Variants in SEC24C observed in about 807,000 individuals in gnomAD.
SEC24C encodes the protein SEC24 homolog C, COPII component.
SEC24C carries 22 observed loss-of-function variants against 117.0 expected under a neutral mutation model. The ratio of observed to expected loss-of-function variants is 0.19; its 90% CI spans 0.13 to 0.27. SEC24C has a LOEUF of 0.27. Ranked by LOEUF, SEC24C falls within the 10% of genes least tolerant of loss-of-function variation. The pLI is 1.00. For missense variants in SEC24C, 1,155 were observed against 1,375.1 expected (o/e 0.84, Z 2.53); for synonymous variants, 506 against 529.4 (o/e 0.96, Z 0.61).
In SEC24C at chr10:73,769,741, A is replaced by G. The variant is rs759180142; in HGVS notation, c.2682+8A>G. ...CCCTCCTCTGCAGGACAGGTGGGGC[A>G]AGTATATTAGTGGGAGGTGGGGTTG... On this transcript the variant is annotated splice_region_variant and intron_variant, in intron 19 of 22. Transcript: ENST00000345254. The surrounding 1 kb of genome is among the most constrained non-coding windows in gnomAD (Gnocchi z 4.5). 1.2e-5 allele frequency: 20 copies of G among 1,613,430 alleles called. No individual in the cohort carries two copies. The highest frequency in any genetic ancestry group is 1.6e-5 in the Non-Finnish European group (19 of 1,179,456).
intron 20 of SEC24C, 105 bp from the exon 21 acceptor site, chr10:73,770,175 G>T (rs892941430): frequency 4.7e-6 from 6 of 1,280,166 alleles, no homozygotes; most frequent in Non-Finnish European, 6.6e-6. Flanking sequence ...GACCCCAGAA[G>T]GGGTGGTGTC....
At chr10:73,767,813 T>C (rs556225917) in intron 14 of SEC24C, 24 bp from the exon 15 acceptor site, 19 of 1,564,096 alleles carry the variant, frequency 1.2e-5, no homozygotes, top group Admixed American at 1.8e-5. Flanking sequence ...AACATTTTCT[T>C]CTCCCCATTT....
chr10:73,767,300 C>T, intron 14 of SEC24C, 130 bp downstream of exon 14: 1 of 633,854 alleles, frequency 1.6e-6, no homozygotes, highest in Non-Finnish European at 2.8e-6. Flanking sequence ...CTGCCAACCT[C>T]CACTGCTGCC....
In SEC24C at chr10:73,768,922, A is replaced by G; in HGVS notation, c.2278+16A>G. The G allele has an allele frequency of 6.2e-7, 1 of 1,614,208 alleles. No homozygotes were observed. The highest frequency in any genetic ancestry group is 8.5e-7 in the Non-Finnish European group (1 of 1,180,024). On this transcript the variant is annotated intron_variant, in intron 16 of 22. Coordinates refer to ENST00000345254, the MANE Select transcript of SEC24C (RefSeq NM_198597.3). ...ACAAGCACTGGTCAGTCCTGATTGA[A>G]GAGCAGGTTGGGGGGCTAAATATGG...
Position 73,767,417 on chromosome 10 carries a change from C to T in SEC24C, c.2010+247C>T, listed in dbSNP as rs556113357. ...GGCATGATGGCTCATGCCTGTAATC[C>T]GAGCGCTTTGGGAGGCCAAGGCGGG... On this transcript the variant is annotated intron_variant, in intron 14 of 22. Transcript: ENST00000345254. Among the ~76,000 whole-genome samples, 6 of 152,210 alleles carry T rather than the reference C, an allele frequency of 3.9e-5. 1 individual carries two copies. Among genetic ancestry groups the T allele is most frequent in the Admixed American group, 1.3e-4 (2 of 15,280 alleles).
rs553695287 is a variant in SEC24C, at chr10:73,765,774, G to A, written c.1367-26G>A. The A allele has an allele frequency of 2.5e-6, 4 of 1,600,510 alleles. No homozygotes were observed. In the South Asian group the frequency reaches 4.4e-5, roughly 18 times the overall value. On this transcript the variant is annotated intron_variant, in intron 9 of 22. Coordinates refer to ENST00000345254, the MANE Select transcript of SEC24C (RefSeq NM_198597.3). ...ACTAAGATTGAAACTGGATCTTCGA[G>A]TAACACACTGCCATGCTTCCCACAG...
At chr10:73,745,133 T>A (rs1429880633) in intron 1 of SEC24C, among the ~76,000 whole-genome samples, 2 of 152,162 alleles carry the variant, frequency 1.3e-5, no homozygotes, top group Non-Finnish European at 2.9e-5. Context: ...TTGTTCCCTT[T>A]GCAGCAACTC....
chr10:73,764,171 A>G (rs2082843758), intron 8 of SEC24C, among the ~76,000 whole-genome samples, 188 bp downstream of exon 8: 1 of 152,102 alleles, frequency 6.6e-6, no homozygotes, highest in African/African-American at 2.4e-5. Flanking sequence ...GATGAGAGCA[A>G]AAGCCCAAGA....
intron 1 of SEC24C, among the ~76,000 whole-genome samples, chr10:73,745,268 A>G (rs2132508444): frequency 6.6e-6 from 1 of 152,168 alleles, no homozygotes; most frequent in East Asian, 1.9e-4. Context: ...CCTCTAATTC[A>G]TCCCTGTGTT....
intron 3 of SEC24C, among the ~76,000 whole-genome samples, chr10:73,758,594 C>G (rs1011534167): frequency 6.6e-6 from 1 of 152,200 alleles, no homozygotes; most frequent in Non-Finnish European, 1.5e-5. Flanking sequence ...TAAGCAACTC[C>G]TGATCTACTT....
At chr10:73,751,556 A>C (rs531959730) in intron 3 of SEC24C, among the ~76,000 whole-genome samples, 25 of 152,316 alleles carry the variant, frequency 1.6e-4, no homozygotes, top group African/African-American at 6.0e-4. Flanking sequence ...CTCATAAATA[A>C]ATAAATAAAT....
At chr10:73,755,539 C>T (rs928577264) in intron 3 of SEC24C, among the ~76,000 whole-genome samples, 2 of 151,730 alleles carry the variant, frequency 1.3e-5, no homozygotes, top group Non-Finnish European at 1.5e-5. Context: ...TAGCTGGGCG[C>T]GGTGGCAGGC....
Position 73,769,569 on chromosome 10 carries a change from ACAT to A in SEC24C, c.2564-45_2564-43del. On this transcript the variant is annotated intron_variant, in intron 18 of 22. Transcript: ENST00000345254. This position sits in a 1 kb window ranked among gnomAD's most constrained non-coding sequence, Gnocchi z 4.5. ...GGTAGTTGTGATGGTGGGAATGCAC[ACAT>A]GATGGGCAGCTGACCAGTGACTATC... is the stretch of plus-strand genomic sequence containing the variant. The A allele has an allele frequency of 6.2e-7, 1 of 1,613,078 alleles. No individual in the cohort carries two copies. The highest frequency in any genetic ancestry group is 8.5e-7 in the Non-Finnish European group (1 of 1,179,120).
intron 2 of SEC24C, among the ~76,000 whole-genome samples, chr10:73,749,409 A>T (rs1463181529): frequency 1.3e-5 from 2 of 152,160 alleles, no homozygotes; most frequent in Non-Finnish European, 2.9e-5. Flanking sequence ...GTCTTCTGAT[A>T]TCCATCCTTT....
Position 73,766,435 on chromosome 10 carries a change from T to A in SEC24C, c.1693T>A (p.Leu565Met). Residue 565 changes from leucine (L) to methionine (M), a missense_variant, in exon 12 of 23, where the codon TTG becomes ATG. Leu to Met is a conservative substitution (Grantham distance 15). Transcript: ENST00000345254. ...VLHFYNVKSS[L>M]AQPQMMVVSD... ...CCACTTCTATAATGTGAAGAGCTCA[T>A]TGGCCCAGCCACAGATGATGGTTGT... 1 of 1,614,222 alleles carries A rather than the reference T, an allele frequency of 6.2e-7. No homozygotes were observed. Among genetic ancestry groups the A allele is most frequent in the Non-Finnish European group, 8.5e-7 (1 of 1,180,044 alleles).
At chr10:73,747,720 C>T (rs1322867153) in intron 2 of SEC24C, among the ~76,000 whole-genome samples, 1 of 146,288 alleles carries the variant, frequency 6.8e-6, no homozygotes, top group Admixed American at 7.0e-5. Flanking sequence ...AGTGCAGTGG[C>T]ACGATCTCGG....
At chr10:73,750,013 G>A (rs529408101) in intron 2 of SEC24C, among the ~76,000 whole-genome samples, 1 of 152,222 alleles carries the variant, frequency 6.6e-6, no homozygotes, top group East Asian at 1.9e-4. Flanking sequence ...GGAGGTACTG[G>A]TAAGATTTGG....
In SEC24C at chr10:73,767,110, G is replaced by A; in HGVS notation, c.1950G>A (p.Glu650=). The A allele has an allele frequency of 6.2e-7, 1 of 1,614,130 alleles. No individual in the cohort carries two copies. Among genetic ancestry groups the A allele is most frequent in the Non-Finnish European group, 8.5e-7 (1 of 1,180,006 alleles). The part of the protein sequence containing the change: ...FLFHTSLPIA[E]APGKLKNRDD... ...TCCATACATCCCTGCCCATTGCAGA[G>A]GCCCCAGGGAAACTGAAGAACAGAG... Residue 650 remains glutamate, a synonymous_variant, in exon 14 of 23, where the codon GAG becomes GAA. Transcript: ENST00000345254.
intron 3 of SEC24C, among the ~76,000 whole-genome samples, chr10:73,751,528 G>A (rs2082642331): frequency 6.6e-6 from 1 of 152,182 alleles, no homozygotes; most frequent in Non-Finnish European, 1.5e-5. Context: ...CAGCCTGGGC[G>A]ATAGAGTGAG....
Sources: gnomAD v4.1 joint callset for allele counts (sites outside exome capture counted in the v4.1 genomes callset) on GRCh38, gnomAD v4.1.1 for gene constraint, Gnocchi (gnomAD v3.1) non-coding constraint, MANE v1.5 for transcripts, NCBI Gene and HGNC (gene_info 2026-07-23, HGNC 2026-07-21) for gene names.